PKD1L1: variants seen among roughly 807,000 people sequenced by gnomAD.
The protein encoded by PKD1L1 is polycystin 1 like 1, transient receptor potential channel interacting.
In PKD1L1, 236 loss-of-function variants were observed where a neutral mutation model predicts 323.4. The ratio of observed to expected loss-of-function variants is 0.73; its 90% CI spans 0.66 to 0.81. The LOEUF (loss-of-function observed/expected upper bound fraction) is 0.81, where lower values mean the gene tolerates loss of function less well. PKD1L1 is among the 40% of genes least tolerant of loss of function. PKD1L1 has a pLI of 0.00. For synonymous variants in PKD1L1, 1,344 were observed against 1,335.0 expected (o/e 1.01, Z -0.15); for missense variants, 3,320 against 3,508.0 (o/e 0.95, Z 1.35).
chr7:47,896,187 G>A (rs764985384), intron 14 of PKD1L1, among the ~76,000 whole-genome samples: 3 of 152,068 alleles, frequency 2.0e-5, no homozygotes, highest in Non-Finnish European at 4.4e-5. Flanking sequence ...AAATTAGCCA[G>A]GCATGGTGGT....
At chr7:47,801,603 A>G (rs1184499165) in intron 53 of PKD1L1, among the ~76,000 whole-genome samples, 1 of 152,230 alleles carries the variant, frequency 6.6e-6, no homozygotes, top group East Asian at 1.9e-4. Flanking sequence ...CATGGGCTGC[A>G]TTCTGTGTGG....
At chr7:47,837,217 T>C in intron 36 of PKD1L1, 123 bp from the exon 37 acceptor site, 1 of 1,094,366 alleles carries the variant, frequency 9.1e-7, no homozygotes, top group Non-Finnish European at 1.3e-6. Context: ...CCATCCTAGC[T>C]GCTTAGCTGT....
At chr7:47,813,448 TG>T in intron 48 of PKD1L1, 155 bp from the exon 49 acceptor site, 1 of 835,574 alleles carries the variant, frequency 1.2e-6, no homozygotes, top group Admixed American at 2.0e-5. Flanking sequence ...GCCTGTTTCG[TG>T]GTCTACAGAC....
intron 56 of PKD1L1, among the ~76,000 whole-genome samples, chr7:47,781,394 T>TTTTTG (rs1005624695): frequency 9.8e-5 from 8 of 81,318 alleles, no homozygotes; most frequent in African/African-American, 3.6e-4. Context: ...AAGGTTTTTT[T>TTTTTG]TTTTGTTTTG....
intron 13 of PKD1L1, among the ~76,000 whole-genome samples, chr7:47,899,955 C>CAGAAAAAAAAAA (rs1787048671): frequency 9.4e-6 from 1 of 106,514 alleles, no homozygotes; most frequent in African/African-American, 3.7e-5. Flanking sequence ...GACTCCATCC[C>CAGAAAAAAAAAA]AAAAAAAAAA....
At position 47,830,193 on chromosome 7, in the gene PKD1L1, C is replaced by G. The variant is rs577046261; in HGVS notation, c.6474-69G>C. 6.8e-4 allele frequency: 907 copies of G among 1,338,008 alleles called. 2 individuals are homozygous for G. Among genetic ancestry groups the G allele is most frequent in the Middle Eastern group, 2.1e-3 (9 of 4,216 alleles). The allele number at this position is 1,338,008 out of a possible 1,614,324, so 82.9% of individuals were successfully genotyped here. A position where few individuals can be genotyped will look rare whatever the true frequency, so the allele number is the denominator to read the frequency against. ...CAGGCCACCCAGCAGTCATTGCTGCCTAAGCACAGGGACACTGCCTGAGAG... is the reference window on the plus strand; with the variant it reads ...CAGGCCACCCAGCAGTCATTGCTGCGTAAGCACAGGGACACTGCCTGAGAG... On this transcript the variant is annotated intron_variant, in intron 42 of 56. Coordinates refer to ENST00000289672, the MANE Select transcript of PKD1L1 (RefSeq NM_138295.5).
chr7:47,797,055 C>T (rs1045925324), intron 54 of PKD1L1, among the ~76,000 whole-genome samples: 2 of 151,790 alleles, frequency 1.3e-5, no homozygotes, highest in Non-Finnish European at 2.9e-5. Context: ...AGCCTGTCAG[C>T]TTTACACACC....
chr7:47,813,667 G>A, intron 48 of PKD1L1: 1 of 669,814 alleles, frequency 1.5e-6, no homozygotes, highest in Non-Finnish European at 2.7e-6. Flanking sequence ...GTTTTGCCTA[G>A]AATGCCAGTC....
rs761457145 is a variant in PKD1L1, at chr7:47,827,488, T to C, written c.6736-20A>G. ...CAAGACCTGTCAGGGACAAGAGTGC[T>C]GTGAGCTGCGGGCTGGTGGGTGGAA... On this transcript the variant is annotated intron_variant, in intron 44 of 56. Coordinates refer to ENST00000289672, the MANE Select transcript of PKD1L1 (RefSeq NM_138295.5). 1.3e-6 allele frequency: 2 copies of C among 1,591,922 alleles called. No homozygotes were observed. Among genetic ancestry groups the C allele is most frequent in the Non-Finnish European group, 1.7e-6 (2 of 1,170,294 alleles).
intron 52 of PKD1L1, among the ~76,000 whole-genome samples, chr7:47,805,170 T>C (rs762923805): frequency 5.9e-5 from 9 of 152,176 alleles, no homozygotes; most frequent in Admixed American, 1.3e-4. Flanking sequence ...TTCTACCTTA[T>C]TAAGACTTGA....
At chr7:47,880,263 TACA>T (rs1562970416) in intron 21 of PKD1L1, among the ~76,000 whole-genome samples, 1,776 of 87,792 alleles carry the variant, frequency 0.02, 57 homozygotes, top group South Asian at 0.026. Flanking sequence ...TATATATATA[TACA>T]TATATATATA....
Position 47,905,823 on chromosome 7 carries a change from G to T in PKD1L1, c.1522+20C>A, listed in dbSNP as rs201588338. On this transcript the variant is annotated intron_variant, in intron 10 of 56. Transcript: ENST00000289672. ...GCGAGGGAGGTTTTTGTTAAATCTGGAATTAAAACAAAGACATACATTGCA... is the reference window on the plus strand; with the variant it reads ...GCGAGGGAGGTTTTTGTTAAATCTGTAATTAAAACAAAGACATACATTGCA... The T allele has an allele frequency of 1.1e-4, 172 of 1,609,968 alleles. 1 individual carries two copies. The East Asian group carries it at 2.5e-3, about 23-fold the overall frequency.
intron 23 of PKD1L1, among the ~76,000 whole-genome samples, chr7:47,875,684 T>C (rs767332062): frequency 6.6e-6 from 1 of 152,218 alleles, no homozygotes; most frequent in African/African-American, 2.4e-5. Flanking sequence ...GTTATGTTAC[T>C]AACATGCTAA....
At chr7:47,841,160 G>A (rs1583612489) in intron 34 of PKD1L1, among the ~76,000 whole-genome samples, 1 of 152,114 alleles carries the variant, frequency 6.6e-6, no homozygotes, top group Non-Finnish European at 1.5e-5. Flanking sequence ...TCTAAACTTT[G>A]TGTTTTCACC....
At chr7:47,802,312 C>T (rs1385778963) in intron 53 of PKD1L1, among the ~76,000 whole-genome samples, 1 of 152,018 alleles carries the variant, frequency 6.6e-6, no homozygotes, top group Non-Finnish European at 1.5e-5. Context: ...ACCTTCGGGG[C>T]AAATGTCGTT....
chr7:47,824,992 T>C (rs1337815564), intron 45 of PKD1L1, among the ~76,000 whole-genome samples: 1 of 152,250 alleles, frequency 6.6e-6, no homozygotes, highest in Admixed American at 6.5e-5. Flanking sequence ...TAAATGAATC[T>C]ATCATTGTGT....
chr7:47,791,462 ATTTT>A (rs10590668), intron 56 of PKD1L1, among the ~76,000 whole-genome samples: 725 of 145,564 alleles, frequency 5.0e-3, no homozygotes, highest in African/African-American at 0.012. Flanking sequence ...TCAAAGAGAC[ATTTT>A]TTTTTTTTTT....
chr7:47,884,603 T>C lies in PKD1L1; in HGVS notation c.3260A>G (p.Gln1087Arg). Reference sequence around the variant, plus strand: ...AGGCATAGAAGCACAGTCACCTGGCTGTCTTCCTCCCGATGGTATTGCTTC... The same window carrying C: ...AGGCATAGAAGCACAGTCACCTGGCCGTCTTCCTCCCGATGGTATTGCTTC... ...IQEAIPSGGRQPAKDTSFPGS... is the reference protein window; with the variant it reads ...IQEAIPSGGRRPAKDTSFPGS... The change falls in exon 19 of 57, where the codon CAG becomes CGG. Residue 1087 changes from glutamine (Q) to arginine (R), a missense_variant. Coordinates refer to ENST00000289672, the MANE Select transcript of PKD1L1 (RefSeq NM_138295.5). The C allele has an allele frequency of 6.2e-7, 1 of 1,613,936 alleles. No individual in the cohort carries two copies. Among genetic ancestry groups the C allele is most frequent in the Non-Finnish European group, 8.5e-7 (1 of 1,179,804 alleles).
intron 15 of PKD1L1, among the ~76,000 whole-genome samples, chr7:47,891,950 A>G (rs2128748919): frequency 6.6e-6 from 1 of 152,346 alleles, no homozygotes; most frequent in South Asian, 2.1e-4. Context: ...CTCAAGAAAC[A>G]GCAAATTCCA....
Sources: gnomAD v4.1 joint callset for allele counts (sites outside exome capture counted in the v4.1 genomes callset) on GRCh38, gnomAD v4.1.1 for gene constraint, MANE v1.5 for transcripts, NCBI Gene and HGNC (gene_info 2026-07-23, HGNC 2026-07-21) for gene names.